PEAK1: variants seen among roughly 807,000 people sequenced by gnomAD.
The protein encoded by PEAK1 is inactive tyrosine-protein kinase PEAK1.
Under a neutral mutation model 124.7 loss-of-function variants are expected in PEAK1, and 54 were observed. The observed-to-expected ratio is 0.43, with a 90% CI of 0.35 to 0.54. The LOEUF is 0.54. Among genes scored for constraint, PEAK1 ranks in the 20% least tolerant of loss-of-function variants. The pLI is 0.01. For missense variants in PEAK1, 2,046 were observed against 2,134.5 expected (o/e 0.96, Z 0.82); for synonymous variants, 719 against 760.0 (o/e 0.95, Z 0.89).
intron 6 of PEAK1, among the ~76,000 whole-genome samples, chr15:77,236,847 C>T (rs2060147503): frequency 6.6e-6 from 1 of 152,072 alleles, no homozygotes; most frequent in South Asian, 2.1e-4. Context: ...TGAGTGAGGT[C>T]TCATGAGATC....
At chr15:77,403,472 T>C (rs1188322728) in intron 1 of PEAK1, 1 of 938,010 alleles carries the variant, frequency 1.1e-6, no homozygotes, top group Non-Finnish European at 1.3e-6. Flanking sequence ...AGTTCTCATA[T>C]TCCAGTAAAG....
At chr15:77,340,564 A>G (rs2066466969) in intron 2 of PEAK1, among the ~76,000 whole-genome samples, 1 of 152,224 alleles carries the variant, frequency 6.6e-6, no homozygotes, top group Admixed American at 6.5e-5. Context: ...TCGCAGATAG[A>G]TGCTATTATG....
chr15:77,281,951 C>G (rs554426849), intron 5 of PEAK1, among the ~76,000 whole-genome samples: 22 of 152,086 alleles, frequency 1.4e-4, no homozygotes, highest in Non-Finnish European at 2.8e-4. Context: ...TTAATTCTTT[C>G]AAATACAGCA....
intron 6 of PEAK1, among the ~76,000 whole-genome samples, chr15:77,251,747 G>C (rs566187311): frequency 6.6e-6 from 1 of 150,730 alleles, no homozygotes. Flanking sequence ...ATCATGCCAT[G>C]TGAATGTACT....
chr15:77,355,656 T>C (rs1037797987), intron 2 of PEAK1: 1 of 659,800 alleles, frequency 1.5e-6, no homozygotes, highest in Admixed American at 6.3e-5. Context: ...TATGAAGGGC[T>C]ACAGACCTGG....
chr15:77,415,085 T>C (rs1038722604), intron 1 of PEAK1, among the ~76,000 whole-genome samples: 1 of 152,220 alleles, frequency 6.6e-6, no homozygotes, highest in African/African-American at 2.4e-5. Flanking sequence ...ATAAGGTTCT[T>C]GAGAGTATTA....
chr15:77,412,372 C>A (rs970581707), intron 1 of PEAK1, among the ~76,000 whole-genome samples: 4 of 152,172 alleles, frequency 2.6e-5, no homozygotes, highest in African/African-American at 9.7e-5. Context: ...CCCCAAAAAC[C>A]TGCTCTGCAC....
At chr15:77,418,307 G>T (rs2073055868) in intron 1 of PEAK1, 1 of 985,188 alleles carries the variant, frequency 1.0e-6, no homozygotes, top group South Asian at 4.7e-5. Context: ...GGAAAAGAAG[G>T]AACATACATT....
intron 1 of PEAK1, among the ~76,000 whole-genome samples, chr15:77,398,815 A>C (rs1209192323): frequency 6.6e-6 from 1 of 152,210 alleles, no homozygotes; most frequent in Non-Finnish European, 1.5e-5. Context: ...GAAAGAAAGA[A>C]GTCAAATTAT....
chr15:77,392,396 A>G (rs2070544971), intron 1 of PEAK1, among the ~76,000 whole-genome samples: 1 of 152,202 alleles, frequency 6.6e-6, no homozygotes, highest in African/African-American at 2.4e-5. Context: ...AGAGAACAAA[A>G]TAACTCAAAT....
At chr15:77,275,731 A>T (rs1490726232) in intron 5 of PEAK1, among the ~76,000 whole-genome samples, 1 of 151,780 alleles carries the variant, frequency 6.6e-6, no homozygotes, top group Non-Finnish European at 1.5e-5. Context: ...AATAAATAAA[A>T]TAAAAAAATT....
intron 5 of PEAK1, among the ~76,000 whole-genome samples, chr15:77,276,639 G>A (rs920493270): frequency 1.3e-5 from 2 of 152,080 alleles, no homozygotes; most frequent in African/African-American, 2.4e-5. Flanking sequence ...AGGAATCGTG[G>A]ATAATGAGGA....
At chr15:77,234,351 C>T (rs1596767961) in intron 6 of PEAK1, among the ~76,000 whole-genome samples, 2 of 152,182 alleles carry the variant, frequency 1.3e-5, no homozygotes, top group East Asian at 3.9e-4. Context: ...TGTTGGATTT[C>T]TGCATTCATC....
intron 2 of PEAK1, among the ~76,000 whole-genome samples, chr15:77,303,236 G>C (rs1271732513): frequency 6.6e-6 from 1 of 152,210 alleles, no homozygotes; most frequent in Admixed American, 6.5e-5. Flanking sequence ...TACAGGTCTT[G>C]TGTGAACAGA....
chr15:77,105,050 A>T (rs1285499633), downstream of PEAK1: 1 of 152,160 alleles, frequency 6.6e-6, no homozygotes, highest in Non-Finnish European at 1.5e-5. Flanking sequence ...TTTGCCTCCC[A>T]TCCCCCAACC....
At chr15:77,350,153 A>C (rs1032650217) in intron 2 of PEAK1, 124 of 985,350 alleles carry the variant, frequency 1.3e-4, no homozygotes, top group Non-Finnish European at 1.4e-4. Context: ...ATGCATGCAC[A>C]AAAGTAATCT....
At chr15:77,297,409 A>G (rs191301854) in intron 2 of PEAK1, among the ~76,000 whole-genome samples, 3 of 151,788 alleles carry the variant, frequency 2.0e-5, no homozygotes, top group Admixed American at 2.0e-4. Context: ...CTCTTCCCCA[A>G]AGCATATGTC....
intron 7 of PEAK1, among the ~76,000 whole-genome samples, chr15:77,173,474 T>C (rs1285934967): frequency 6.6e-6 from 1 of 152,190 alleles, no homozygotes; most frequent in East Asian, 1.9e-4. Flanking sequence ...ACATTTAAAA[T>C]CTACTTTTTT....
intron 2 of PEAK1, among the ~76,000 whole-genome samples, chr15:77,331,515 T>C (rs1222416308): frequency 1.3e-5 from 2 of 152,250 alleles, no homozygotes; most frequent in Non-Finnish European, 2.9e-5. Flanking sequence ...TTGAAATACA[T>C]GTCTTCCTGC....
Sources: gnomAD v4.1 joint callset for allele counts (sites outside exome capture counted in the v4.1 genomes callset) on GRCh38, gnomAD v4.1.1 for gene constraint, MANE v1.5 for transcripts, NCBI Gene and HGNC (gene_info 2026-07-23, HGNC 2026-07-21) for gene names.